ADGRF4: variants seen among roughly 807,000 people sequenced by gnomAD.
ADGRF4 encodes G-protein coupled receptor PGR18.
A neutral mutation model predicts 58.5 loss-of-function variants in ADGRF4; 63 were observed. The observed-to-expected ratio is 1.08, with a 90% CI of 0.88 to 1.33. ADGRF4 has a LOEUF of 1.33. Among genes scored for constraint, ADGRF4 ranks in the 40% most tolerant of loss-of-function variants. ADGRF4 has a pLI of 0.00. For synonymous variants in ADGRF4, 313 were observed against 295.4 expected (o/e 1.06, Z -0.61); for missense variants, 931 against 843.9 (o/e 1.10, Z -1.28).
chr6:47,709,485 AT>A (rs1173599220), intron 3 of ADGRF4, among the ~76,000 whole-genome samples: 1 of 152,248 alleles, frequency 6.6e-6, no homozygotes, highest in Non-Finnish European at 1.5e-5. Context: ...TAGAATTACC[AT>A]ATTTAGCAAA....
intron 8 of ADGRF4, 72 bp downstream of exon 8, chr6:47,717,423 T>C (rs1241139446): frequency 2.2e-6 from 2 of 929,732 alleles, no homozygotes; most frequent in Non-Finnish European, 1.8e-6. Flanking sequence ...ACAAATACCA[T>C]AGCTCAGTAC....
At chr6:47,703,427 G>A (rs1179994330) in intron 1 of ADGRF4, among the ~76,000 whole-genome samples, 2 of 152,202 alleles carry the variant, frequency 1.3e-5, no homozygotes, top group Non-Finnish European at 2.9e-5. Flanking sequence ...GGTGAGAAGA[G>A]AACCAACCAA....
intron 5 of ADGRF4, among the ~76,000 whole-genome samples, chr6:47,712,941 G>A (rs1051607571): frequency 2.6e-5 from 4 of 152,150 alleles, no homozygotes; most frequent in African/African-American, 4.8e-5. Context: ...GATTGGTACC[G>A]GGCTGTGGCC....
chr6:47,716,839 G>C lies in ADGRF4; in HGVS notation c.1966G>C (p.Asp656His). 1 of 1,599,142 alleles carries C rather than the reference G, an allele frequency of 6.3e-7. No homozygotes were observed. The highest frequency in any genetic ancestry group is 8.5e-7 in the Non-Finnish European group (1 of 1,171,976). The change falls in exon 7 of 10, where the codon GAT becomes CAT. Residue 656 changes from aspartate to histidine, a missense_variant. Asp to His is a moderately conservative substitution (Grantham distance 81, BLOSUM62 -1). Coordinates refer to ENST00000283303, the MANE Select transcript of ADGRF4 (RefSeq NM_153838.5). Reference protein sequence around the residue: ...FFILLFGTIMDHKIRDALRMR... With the variant: ...FFILLFGTIMHHKIRDALRMR... ...CATCCTGCTGTTTGGAACCATTATGGATCACAAGGTAATTTGAATTTGCTT... is the reference window on the plus strand; with the variant it reads ...CATCCTGCTGTTTGGAACCATTATGCATCACAAGGTAATTTGAATTTGCTT...
Position 47,710,816 on chromosome 6 carries a change from C to T in ADGRF4, c.230C>T (p.Thr77Ile). 6.2e-7 allele frequency: 1 copy of T among 1,613,686 alleles called. No individual in the cohort carries two copies. The highest frequency in any genetic ancestry group is 8.5e-7 in the Non-Finnish European group (1 of 1,179,772). Reference protein sequence around the residue: ...AKDFHGEIGFTCNQKKWQKSA... With the variant: ...AKDFHGEIGFICNQKKWQKSA... ...GACTTTCATGGAGAAATAGGATTTA[C>T]ATGTAATCAAAAAAAGTGGCAAAAA... Residue 77 changes from threonine (T) to isoleucine (I), a missense_variant, in exon 4 of 10, where the codon ACA (threonine) becomes ATA (isoleucine). Physicochemically the swap from Thr to Ile is moderately conservative, Grantham distance 89. Transcript: ENST00000283303.
intron 4 of ADGRF4, 39 bp downstream of exon 4, chr6:47,710,925 C>T (rs377631613): frequency 6.3e-7 from 1 of 1,583,448 alleles, no homozygotes; most frequent in South Asian, 1.1e-5. Context: ...GAAGCCAATC[C>T]CCCAGCAGAA....
rs776767988 is a variant in ADGRF4 at position 47,714,752 on chromosome 6, T to C, written c.1507T>C (p.Leu503=). The C allele has an allele frequency of 3.0e-5, 49 of 1,613,908 alleles. No individual in the cohort carries two copies. In the East Asian group the frequency reaches 1.1e-3, roughly 35 times the overall value. ...FKALLIIYGI[L]VIFRRMMKSR... ...AGCATTGCTCATCATTTATGGAATA[T>C]TGGTCATTTTCCGTAGGATGATGAA... Residue 503 remains leucine, a synonymous_variant, in exon 6 of 10, where the codon TTG becomes CTG. Transcript: ENST00000283303.
chr6:47,708,419 A>G (rs1771776833), intron 3 of ADGRF4, 141 bp downstream of exon 3: 7 of 604,730 alleles, frequency 1.2e-5, no homozygotes, highest in Non-Finnish European at 1.8e-5. Context: ...GCTTACCAGT[A>G]TTGATAGATT....
At position 47,714,490 on chromosome 6, in the gene ADGRF4, C is replaced by A; in HGVS notation, c.1245C>A (p.Ser415Arg). ...TTGGGCTCAGCGTCTCAATCCTAAGCTTGGTTCTTTGCCTGATCATTGAAG... is the reference window on the plus strand; with the variant it reads ...TTGGGCTCAGCGTCTCAATCCTAAGATTGGTTCTTTGCCTGATCATTGAAG... ...TCIGLSVSIL[S>R]LVLCLIIEAT... Residue 415 changes from serine (S) to arginine (R), a missense_variant, in exon 6 of 10, where the codon AGC becomes AGA. Transcript: ENST00000283303. 1.2e-6 allele frequency: 2 copies of A among 1,614,144 alleles called. No homozygotes were observed. Among genetic ancestry groups the A allele is most frequent in the Non-Finnish European group, 1.7e-6 (2 of 1,180,018 alleles).
chr6:47,715,006 C>A lies in ADGRF4; in HGVS notation c.1761C>A (p.Pro587=). The change falls in exon 6 of 10, where the codon CCC becomes CCA. Residue 587 remains proline (P), a synonymous_variant. Transcript: ENST00000283303. ...TTGTTGCTGTCAACACTCAGAGGCC[C>A]TCTATTGGCAGTTCCAAGTCTCAGG... ...VLVVAVNTQR[P]SIGSSKSQDV... 1 of 1,613,426 alleles carries A rather than the reference C, an allele frequency of 6.2e-7. No individual in the cohort carries two copies. Among genetic ancestry groups the A allele is most frequent in the East Asian group, 2.2e-5 (1 of 44,848 alleles).
chr6:47,707,755 A>G (rs1210587283), intron 2 of ADGRF4, among the ~76,000 whole-genome samples: 1 of 152,204 alleles, frequency 6.6e-6, no homozygotes, highest in Admixed American at 6.5e-5. Flanking sequence ...TATAGACATA[A>G]GAGATTTGTG....
At chr6:47,699,780 G>A (rs538648092) in intron 1 of ADGRF4, among the ~76,000 whole-genome samples, 5 of 152,044 alleles carry the variant, frequency 3.3e-5, no homozygotes, top group Admixed American at 6.6e-5. Context: ...AGAGATACTG[G>A]GTCTTAAACA....
rs895214741 is a variant in ADGRF4, at chr6:47,721,792, T to C, written c.*587T>C. 3 of 152,178 alleles carry C rather than the reference T, an allele frequency of 2.0e-5. No homozygotes were observed. Among genetic ancestry groups the C allele is most frequent in the African/African-American group, 7.2e-5 (3 of 41,444 alleles). 9.4% of individuals were successfully genotyped at this position (152,178 alleles called of 1,614,324 possible). ...GCAAGAGAACTGTTTAATATGCTGA[T>C]TATTTTAGTCTATTTTAGACCTTGA... On this transcript the variant is annotated 3_prime_UTR_variant, in exon 10 of 10. Coordinates refer to ENST00000283303, the MANE Select transcript of ADGRF4 (RefSeq NM_153838.5).
intron 4 of ADGRF4, among the ~76,000 whole-genome samples, chr6:47,711,555 CGGG>C (rs1771873205): frequency 6.6e-6 from 1 of 152,184 alleles, no homozygotes; most frequent in Non-Finnish European, 1.5e-5. Context: ...GCCACCGCGC[CGGG>C]CCTTGATATC....
In ADGRF4 at chr6:47,710,722, T is replaced by A; in HGVS notation, c.149-13T>A. On this transcript the variant is annotated splice_polypyrimidine_tract_variant and intron_variant, in intron 3 of 9. Transcript: ENST00000283303. ...GCTCCTGTCTCTCTCTCTTTCTCTT[T>A]TTTTCTTTATAGAGAAATGCGAAGG... 2 of 1,580,396 alleles carry A rather than the reference T, an allele frequency of 1.3e-6. No individual in the cohort carries two copies. The highest frequency in any genetic ancestry group is 4.5e-5 in the East Asian group (2 of 44,096).
At position 47,710,653 on chromosome 6, in the gene ADGRF4, G is replaced by A. The variant is rs558232556; in HGVS notation, c.149-82G>A. 3.1e-5 allele frequency: 44 copies of A among 1,426,470 alleles called. No individual in the cohort carries two copies. In the South Asian group the frequency reaches 5.5e-4, roughly 18 times the overall value. The allele number at this position is 1,426,470 out of a possible 1,614,324, so 88.4% of individuals were successfully genotyped here. ...CCAGGAAGCAATCCAAAAATCTCCA[G>A]AATGAATTTGATGCACCTGTCAAAA... is the stretch of plus-strand genomic sequence containing the variant. On this transcript the variant is annotated intron_variant, in intron 3 of 9. Transcript: ENST00000283303.
intron 3 of ADGRF4, 25 bp from the exon 4 acceptor site, chr6:47,710,710 T>G: frequency 6.6e-7 from 1 of 1,515,318 alleles, no homozygotes; most frequent in East Asian, 2.3e-5. Context: ...CCTGTCTCTC[T>G]CTCTTTCTCT....
Position 47,714,885 on chromosome 6 carries a change from A to G in ADGRF4, c.1640A>G (p.Glu547Gly), listed in dbSNP as rs1771970980. Reference protein sequence around the residue: ...TEPEKGYMRPEACWLNWDNTK... With the variant: ...TEPEKGYMRPGACWLNWDNTK... ...CCAGAGAAAGGCTACATGAGACCTG[A>G]GGCCTGTTGGCTTAACTGGGACAAT... is the stretch of plus-strand genomic sequence containing the variant. The change falls in exon 6 of 10, where the codon GAG becomes GGG. Residue 547 changes from glutamate (E) to glycine (G), a missense_variant. Transcript: ENST00000283303. The G allele has an allele frequency of 1.2e-6, 2 of 1,609,852 alleles. No homozygotes were observed. The highest frequency in any genetic ancestry group is 2.7e-5 in the African/African-American group (2 of 74,866).
intron 3 of ADGRF4, 133 bp from the exon 4 acceptor site, chr6:47,710,602 G>T (rs750871475): frequency 1.5e-5 from 11 of 757,394 alleles, no homozygotes; most frequent in Non-Finnish European, 2.4e-5. Context: ...CATTGCCGTG[G>T]ACCCAGTTCA....
Sources: allele counts gnomAD v4.1 joint callset (sites outside exome capture counted in the v4.1 genomes callset), GRCh38; gene constraint gnomAD v4.1.1; transcripts MANE v1.5; gene names NCBI Gene and HGNC (gene_info 2026-07-23, HGNC 2026-07-21).